The following FARP2 variants were observed in gnomAD, a reference collection of about 807,000 sequenced individuals.
The protein encoded by FARP2 is FERM, ARH/RhoGEF and pleckstrin domain protein 2, also known as FERM, ARHGEF and pleckstrin domain-containing protein 2.
In FARP2, 111 loss-of-function variants were observed where a neutral mutation model predicts 130.5. That is an observed-to-expected ratio of 0.85 (90% CI 0.73 to 1.00). The LOEUF (loss-of-function observed/expected upper bound fraction) is 1.00. Ranked by LOEUF, FARP2 falls within the 50% of genes least tolerant of loss-of-function variation. The probability of loss-of-function intolerance (pLI) is 0.00; values close to 1 mark genes in which losing one functional copy is unlikely to be tolerated. For missense variants in FARP2, 1,385 were observed against 1,346.3 expected, an observed-to-expected ratio of 1.03 and a Z score of -0.45; for synonymous variants, 504 against 516.9, an observed-to-expected ratio of 0.98 and a Z score of 0.34.
chr2:241,398,082 C>T (rs1267984923), intron 2 of FARP2, among the ~76,000 whole-genome samples: 1 of 152,100 alleles, frequency 6.6e-6, no homozygotes, highest in African/African-American at 2.4e-5. Flanking sequence ...CCGCCCGCCT[C>T]GGCCTCCCAA....
chr2:241,428,684 A>G (rs1237372700), intron 8 of FARP2, among the ~76,000 whole-genome samples: 3 of 151,852 alleles, frequency 2.0e-5, no homozygotes, highest in Admixed American at 1.3e-4. Context: ...ATGTTGAAGT[A>G]TACAATTCAG....
At chr2:241,411,210 T>A (rs1182680577) in intron 6 of FARP2, 80 bp downstream of exon 6, 4 of 959,564 alleles carry the variant, frequency 4.2e-6, no homozygotes, top group Non-Finnish European at 6.6e-6. Flanking sequence ...AATTAGTTGC[T>A]GATGTATTTG....
chr2:241,443,299 C>A (rs1375269773), intron 13 of FARP2: 1 of 153,656 alleles, frequency 6.5e-6, no homozygotes, highest in East Asian at 1.9e-4. Context: ...TCATTATTGA[C>A]TTGAGACCCA....
intron 5 of FARP2, among the ~76,000 whole-genome samples, chr2:241,409,310 G>A (rs1233308006): frequency 6.6e-6 from 1 of 152,156 alleles, no homozygotes; most frequent in Non-Finnish European, 1.5e-5. Context: ...AGCACTTCAG[G>A]ACGCCAAGGT....
intron 2 of FARP2, among the ~76,000 whole-genome samples, chr2:241,379,793 G>A (rs2150311358): frequency 6.6e-6 from 1 of 152,290 alleles, no homozygotes; most frequent in East Asian, 1.9e-4. Context: ...GATAATAGAG[G>A]TTTTATACAA....
rs552364599 is a variant in FARP2, at chr2:241,491,041, C to A, written c.2505-20C>A. 1.9e-6 allele frequency: 3 copies of A among 1,584,120 alleles called. No individual in the cohort carries two copies. The highest frequency in any genetic ancestry group is 2.7e-5 in the African/African-American group (2 of 74,448). On this transcript the variant is annotated intron_variant, in intron 22 of 26. Coordinates refer to ENST00000264042, the MANE Select transcript of FARP2 (RefSeq NM_014808.4). ...CACAAGGAAGAGCAGAGCCACTGAG[C>A]CTTGCCCTTCTCCCTGCAGCACTCG...
chr2:241,424,362 C>T (rs1243249337), intron 8 of FARP2, among the ~76,000 whole-genome samples: 1 of 152,040 alleles, frequency 6.6e-6, no homozygotes, highest in African/African-American at 2.4e-5. Context: ...CTGAATGACT[C>T]TTGGGTAAAT....
intron 1 of FARP2, among the ~76,000 whole-genome samples, chr2:241,357,732 A>AT (rs1330191051): frequency 1.3e-5 from 2 of 152,184 alleles, no homozygotes; most frequent in Non-Finnish European, 2.9e-5. Context: ...CTAAATGCTG[A>AT]TGATGCAGTT....
At chr2:241,394,286 A>G (rs1425351233) in intron 2 of FARP2, among the ~76,000 whole-genome samples, 1 of 152,164 alleles carries the variant, frequency 6.6e-6, no homozygotes, top group Non-Finnish European at 1.5e-5. Context: ...TGGGAGGCCG[A>G]GGCAGGCTGA....
At chr2:241,464,306 C>T (rs991562885) in intron 17 of FARP2, among the ~76,000 whole-genome samples, 8 of 151,124 alleles carry the variant, frequency 5.3e-5, no homozygotes, top group African/African-American at 1.7e-4. Context: ...TTCCTCAAAA[C>T]AGGGTCCCCT....
intron 7 of FARP2, among the ~76,000 whole-genome samples, chr2:241,415,528 G>A (rs2062642148): frequency 1.3e-5 from 2 of 152,176 alleles, no homozygotes; most frequent in Admixed American, 6.5e-5. Context: ...GTGGGTTTGG[G>A]ATGCTGGGGA....
intron 14 of FARP2, among the ~76,000 whole-genome samples, chr2:241,460,072 C>T (rs1428200115): frequency 6.6e-6 from 1 of 152,204 alleles, no homozygotes; most frequent in Non-Finnish European, 1.5e-5. Flanking sequence ...CTCCATGCCA[C>T]GGTGACTGTG....
intron 7 of FARP2, among the ~76,000 whole-genome samples, chr2:241,415,989 C>CTCTCTGTG (rs764755388): frequency 2.3e-4 from 33 of 141,792 alleles, no homozygotes; most frequent in African/African-American, 8.9e-4. Context: ...CAGGGTAGTT[C>CTCTCTGTG]TGTGTGTGTG....
At chr2:241,387,637 C>CA (rs1361091340) in intron 2 of FARP2, among the ~76,000 whole-genome samples, 5 of 151,642 alleles carry the variant, frequency 3.3e-5, no homozygotes, top group Admixed American at 1.3e-4. Context: ...ACTAAAAATA[C>CA]AAAAAATTAG....
At chr2:241,484,446 G>A in intron 21 of FARP2, 115 bp downstream of exon 21, 1 of 820,106 alleles carries the variant, frequency 1.2e-6, no homozygotes, top group Non-Finnish European at 2.0e-6. Context: ...AGCACCTGCT[G>A]AGTATTTGGC....
At chr2:241,367,214 G>C (rs1018622351) in intron 1 of FARP2, among the ~76,000 whole-genome samples, 1 of 152,084 alleles carries the variant, frequency 6.6e-6, no homozygotes, top group Non-Finnish European at 1.5e-5. Context: ...GCCAAGCGTG[G>C]TTTCTGTGAT....
intron 17 of FARP2, among the ~76,000 whole-genome samples, chr2:241,467,891 G>A (rs943773837): frequency 1.3e-5 from 2 of 152,202 alleles, no homozygotes; most frequent in African/African-American, 2.4e-5. Flanking sequence ...CAGTGCATGT[G>A]ATATGGGGCC....
chr2:241,396,982 C>T (rs1465327838), intron 2 of FARP2, among the ~76,000 whole-genome samples: 1 of 151,794 alleles, frequency 6.6e-6, no homozygotes, highest in African/African-American at 2.4e-5. Flanking sequence ...GGCACATATA[C>T]AGCATGGAAT....
chr2:241,481,391 G>A (rs1483960402), intron 19 of FARP2, among the ~76,000 whole-genome samples: 1 of 152,214 alleles, frequency 6.6e-6, no homozygotes, highest in Non-Finnish European at 1.5e-5. Flanking sequence ...ACATGGAGAT[G>A]TTTCCTGTCT....
Sources: gnomAD v4.1 joint callset for allele counts (sites outside exome capture counted in the v4.1 genomes callset) on GRCh38, gnomAD v4.1.1 for gene constraint, MANE v1.5 for transcripts, NCBI Gene and HGNC (gene_info 2026-07-23, HGNC 2026-07-21) for gene names.